ZNF805: variants seen among roughly 807,000 people sequenced by gnomAD.
The protein encoded by ZNF805 is CTC-444N24.8.
ZNF805 carries 7 observed loss-of-function variants against 13.6 expected under a neutral mutation model. The ratio of observed to expected loss-of-function variants is 0.51; its 90% CI spans 0.29 to 0.97. The LOEUF (loss-of-function observed/expected upper bound fraction) is 0.97. Ranked by LOEUF, ZNF805 falls within the 50% of genes least tolerant of loss-of-function variation. The pLI is 0.08. For synonymous variants in ZNF805, 293 were observed against 279.8 expected (o/e 1.05, Z -0.47); for missense variants, 604 against 771.0 (o/e 0.78, Z 2.57).
chr19:57,243,469 G>A (rs184156728), intron 1 of ZNF805, among the ~76,000 whole-genome samples: 14 of 152,262 alleles, frequency 9.2e-5, no homozygotes, highest in Non-Finnish European at 1.9e-4. Flanking sequence ...CACAAAACTG[G>A]CAAGTGTCAG....
intron 2 of ZNF805, among the ~76,000 whole-genome samples, chr19:57,246,619 T>C (rs780766247): frequency 2.0e-5 from 3 of 151,826 alleles, no homozygotes; most frequent in Admixed American, 6.6e-5. Context: ...GTACTAAATA[T>C]ACAAAAATTA....
chr19:57,254,740 A>G lies in ZNF805; in HGVS notation c.*37A>G. 1 of 1,558,888 alleles carries G rather than the reference A, an allele frequency of 6.4e-7. No homozygotes were observed. Among genetic ancestry groups the G allele is most frequent in the Non-Finnish European group, 8.7e-7 (1 of 1,152,918 alleles). ...GTTGCCAAATGTCATTTGTCACCTA[A>G]GGAGTCATATTAGAAAATCACGCAG... On this transcript the variant is annotated 3_prime_UTR_variant, in exon 4 of 4. Transcript: ENST00000414468.
intron 3 of ZNF805, among the ~76,000 whole-genome samples, chr19:57,250,261 T>C (rs1050455594): frequency 2.6e-5 from 4 of 152,196 alleles, no homozygotes; most frequent in African/African-American, 9.6e-5. Context: ...AGATGGAGTT[T>C]TGCTCTTGTT....
In ZNF805 at chr19:57,254,227, C is replaced by T; in HGVS notation, c.1408C>T (p.Leu470Phe). ...CGKAFSNRAD[L>F]IRHFSIHTGE... The stretch of plus-strand genomic sequence containing the variant: ...GAAAGCCTTTAGCAATAGGGCAGAC[C>T]TCATTCGCCACTTCAGCATCCACAC... Residue 470 changes from leucine to phenylalanine, a missense_variant, in exon 4 of 4, where the codon CTC becomes TTC. Around this residue, in one of 3 missense-constraint regions of ZNF805, gnomAD observed 228 missense variants for 352.8 expected, o/e 0.65. Coordinates refer to ENST00000414468, the MANE Select transcript of ZNF805 (RefSeq NM_001023563.4). 2 of 1,614,000 alleles carry T rather than the reference C, an allele frequency of 1.2e-6. No homozygotes were observed. Among genetic ancestry groups the T allele is most frequent in the Non-Finnish European group, 8.5e-7 (1 of 1,180,000 alleles).
chr19:57,259,088 G>T lies in ZNF805; in HGVS notation c.*4385G>T, dbSNP rs1168807379. ...TATCAACCTGCGTTCAAAGTGTTTT[G>T]TTTTTTTTGTAGTGTTCAGAAGTTT... On this transcript the variant is annotated 3_prime_UTR_variant, in exon 4 of 4. Coordinates refer to ENST00000414468, the MANE Select transcript of ZNF805 (RefSeq NM_001023563.4). Among the ~76,000 whole-genome samples, 1 of 151,750 alleles carries T rather than the reference G, an allele frequency of 6.6e-6. No homozygotes were observed. The highest frequency in any genetic ancestry group is 1.5e-5 in the Non-Finnish European group (1 of 67,912).
intron 3 of ZNF805, among the ~76,000 whole-genome samples, chr19:57,252,865 C>T (rs895083970): frequency 6.6e-6 from 1 of 152,216 alleles, no homozygotes; most frequent in Non-Finnish European, 1.5e-5. Flanking sequence ...GTCCCCTCAC[C>T]TGGTCTCTCT....
rs1244715798 is a variant in ZNF805, at chr19:57,260,820, T to C, written c.*6117T>C. ...TTTGCACTCACTGAGCCTATATGCA[T>C]GTATCATGTGGCCATGACCTTGGCC... is the stretch of plus-strand genomic sequence containing the variant. On this transcript the variant is annotated 3_prime_UTR_variant, in exon 4 of 4. Coordinates refer to ENST00000414468, the MANE Select transcript of ZNF805 (RefSeq NM_001023563.4). Among the ~76,000 whole-genome samples, 1 of 152,240 alleles carries C rather than the reference T, an allele frequency of 6.6e-6. No homozygotes were observed. The highest frequency in any genetic ancestry group is 1.5e-5 in the Non-Finnish European group (1 of 68,040).
At chr19:57,241,020 AGTTTTGTTT>A in intron 1 of ZNF805, 99 bp downstream of exon 1, 1 of 1,368,966 alleles carries the variant, frequency 7.3e-7, no homozygotes. Context: ...TCCTCTTTGT[AGTTTTGTTT>A]GTTTACGAAA....
rs1344918432 is a variant in ZNF805 at position 57,255,778 on chromosome 19, A to G, written c.*1075A>G. Among the ~76,000 whole-genome samples, 4 of 152,072 alleles carry G rather than the reference A, an allele frequency of 2.6e-5. No individual in the cohort carries two copies. The highest frequency in any genetic ancestry group is 4.8e-5 in the African/African-American group (2 of 41,414). On this transcript the variant is annotated 3_prime_UTR_variant, in exon 4 of 4. Transcript: ENST00000414468. Reference sequence around the variant, plus strand: ...TTTAAATATAGAAATGTCATTTGCAATTTGGGACAGTTTTATTTCTTGCTT... The same window carrying G: ...TTTAAATATAGAAATGTCATTTGCAGTTTGGGACAGTTTTATTTCTTGCTT...
Position 57,257,886 on chromosome 19 carries a change from T to C in ZNF805, c.*3183T>C, listed in dbSNP as rs983112471. Among the ~76,000 whole-genome samples the C allele has an allele frequency of 6.6e-6, 1 of 151,940 alleles. No homozygotes were observed. Among genetic ancestry groups the C allele is most frequent in the African/African-American group, 2.4e-5 (1 of 41,348 alleles). On this transcript the variant is annotated 3_prime_UTR_variant, in exon 4 of 4. Transcript: ENST00000414468. ...CATGCCTGACTGATTTTTTGTATTT[T>C]TAGTAGAGATGGAGTTTCACCATGT...
At chr19:57,242,731 TTTTGCC>T (rs1310540057) in intron 1 of ZNF805, among the ~76,000 whole-genome samples, 2 of 152,028 alleles carry the variant, frequency 1.3e-5, no homozygotes, top group African/African-American at 4.8e-5. Context: ...GTGATGAGGG[TTTTGCC>T]CACATCTTGG....
intron 2 of ZNF805, among the ~76,000 whole-genome samples, chr19:57,247,725 C>T (rs1402493949): frequency 2.0e-5 from 3 of 152,218 alleles, no homozygotes; most frequent in Admixed American, 1.3e-4. Context: ...CGTTGTGGAG[C>T]TTTGTGGTTA....
At chr19:57,242,634 C>G (rs2087586370) in intron 1 of ZNF805, among the ~76,000 whole-genome samples, 1 of 152,182 alleles carries the variant, frequency 6.6e-6, no homozygotes, top group Non-Finnish European at 1.5e-5. Flanking sequence ...GCTAATGGTT[C>G]ATTATGCAAT....
In ZNF805 at chr19:57,256,006, C is replaced by A. The variant is rs1305103756; in HGVS notation, c.*1303C>A. ...GAGTTTAGAAAGTTTCCCTCTATTC[C>A]TAATTTGCTGGGATTTTTTTGGTTA... On this transcript the variant is annotated 3_prime_UTR_variant, in exon 4 of 4. Transcript: ENST00000414468. Among the ~76,000 whole-genome samples the A allele has an allele frequency of 6.6e-6, 1 of 151,958 alleles. No individual in the cohort carries two copies. Among genetic ancestry groups the A allele is most frequent in the Non-Finnish European group, 1.5e-5 (1 of 67,910 alleles).
rs2087723305 is a variant in ZNF805, at chr19:57,261,415, C to T, written c.*6712C>T. ...GCCTGAAGAACATCAGTGTATCCCC[C>T]TAATTTCTGTCATGTTACTCAAACC... On this transcript the variant is annotated 3_prime_UTR_variant, in exon 4 of 4. Coordinates refer to ENST00000414468, the MANE Select transcript of ZNF805 (RefSeq NM_001023563.4). 2 of 167,026 alleles carry T rather than the reference C, an allele frequency of 1.2e-5. No homozygotes were observed. The highest frequency in any genetic ancestry group is 4.1e-4 in the South Asian group (2 of 4,826). The allele number at this position is 167,026 out of a possible 1,614,324, so 10.3% of individuals were successfully genotyped here. A position where few individuals can be genotyped will look rare whatever the true frequency, so the allele number is the denominator to read the frequency against.
At chr19:57,246,774 CAAA>C (rs1168593434) in intron 2 of ZNF805, among the ~76,000 whole-genome samples, 16 of 86,230 alleles carry the variant, frequency 1.9e-4, no homozygotes, top group African/African-American at 4.1e-4. Context: ...GACTTCGTCT[CAAA>C]AAAAAAAAAA....
At chr19:57,251,646 C>A (rs200397054) in intron 3 of ZNF805, among the ~76,000 whole-genome samples, 1 of 149,884 alleles carries the variant, frequency 6.7e-6, no homozygotes, top group Non-Finnish European at 1.5e-5. Flanking sequence ...TTTTTTTTTA[C>A]GTGATTAATG....
In ZNF805 at chr19:57,258,007, ATTT is replaced by A. The variant is rs56311072; in HGVS notation, c.*3324_*3326del. 2.5e-3 allele frequency among the ~76,000 whole-genome samples: 237 copies of A among 95,676 alleles called. No individual in the cohort carries two copies. Among genetic ancestry groups the A allele is most frequent in the Middle Eastern group, 6.8e-3 (1 of 148 alleles). The allele number at this position is 95,676 out of a possible 152,430, so 62.8% of individuals were successfully genotyped here. A position where few individuals can be genotyped will look rare whatever the true frequency, so the allele number is the denominator to read the frequency against. On this transcript the variant is annotated 3_prime_UTR_variant, in exon 4 of 4. Transcript: ENST00000414468. ...ACTGGTATGAGCAACCACGCACAGC[ATTT>A]TTTTTTTTTTTTTTTTTTTGAGACG...
Position 57,254,746 on chromosome 19 carries a change from C to A in ZNF805, c.*43C>A. On this transcript the variant is annotated 3_prime_UTR_variant, in exon 4 of 4. Coordinates refer to ENST00000414468, the MANE Select transcript of ZNF805 (RefSeq NM_001023563.4). ...AAATGTCATTTGTCACCTAAGGAGT[C>A]ATATTAGAAAATCACGCAGCTTAGA... is the stretch of plus-strand genomic sequence containing the variant. The A allele has an allele frequency of 1.3e-6, 2 of 1,546,254 alleles. No individual in the cohort carries two copies. The highest frequency in any genetic ancestry group is 2.5e-5 in the South Asian group (2 of 79,484).
Sources: gnomAD v4.1 joint callset for allele counts (sites outside exome capture counted in the v4.1 genomes callset) on GRCh38, gnomAD v4.1.1 for gene constraint, gnomAD v4.1.1 regional missense constraint, MANE v1.5 for transcripts, NCBI Gene and HGNC (gene_info 2026-07-23, HGNC 2026-07-21) for gene names.